Variants in VIT observed in about 807,000 individuals in gnomAD.
VIT encodes the protein vitrin.
A neutral mutation model predicts 78.0 loss-of-function variants in VIT; 99 were observed. That is an observed-to-expected ratio of 1.27 (90% CI 1.08 to 1.50). The LOEUF is 1.50. Ranked by LOEUF, VIT falls within the 40% of genes most tolerant of loss-of-function variation. VIT has a pLI of 0.00. For synonymous variants in VIT, 374 were observed against 334.3 expected (o/e 1.12, Z -1.29); for missense variants, 1,126 against 875.3 (o/e 1.29, Z -3.61).
At chr2:36,782,708 C>T (rs1664843392) in intron 10 of VIT, among the ~76,000 whole-genome samples, 1 of 152,214 alleles carries the variant, frequency 6.6e-6, no homozygotes, top group South Asian at 2.1e-4. Context: ...ACACCCCCTT[C>T]CCCAAGGCTG....
At chr2:36,722,865 G>A (rs1477468709) in intron 2 of VIT, among the ~76,000 whole-genome samples, 1 of 151,914 alleles carries the variant, frequency 6.6e-6, no homozygotes, top group Admixed American at 6.6e-5. Flanking sequence ...ATTTTAGAAA[G>A]CAATTTTCAT....
rs370001989 is a variant in VIT at position 36,744,949 on chromosome 2, G to A, written c.275+1693G>A. Among the ~76,000 whole-genome samples the A allele has an allele frequency of 2.0e-5, 3 of 152,118 alleles. No homozygotes were observed. In the East Asian group the frequency reaches 5.8e-4, roughly 29 times the overall value. ...TCTTCTAGGATTTTTATAGTTTGAAGTCTTACATGTAAGTCTTTAATCCAT... is the reference window on the plus strand; with the variant it reads ...TCTTCTAGGATTTTTATAGTTTGAAATCTTACATGTAAGTCTTTAATCCAT... On this transcript the variant is annotated intron_variant, in intron 4 of 15. Coordinates refer to ENST00000379242, the MANE Select transcript of VIT (RefSeq NM_053276.4).
intron 15 of VIT, among the ~76,000 whole-genome samples, chr2:36,811,723 A>G (rs1572590926): frequency 6.9e-6 from 1 of 144,248 alleles, no homozygotes; most frequent in South Asian, 2.2e-4. Context: ...CCCAGGCTGG[A>G]GTGCAATGGC....
At chr2:36,773,541 C>T (rs1669877493) in intron 7 of VIT, among the ~76,000 whole-genome samples, 1 of 151,894 alleles carries the variant, frequency 6.6e-6, no homozygotes, top group African/African-American at 2.4e-5. Context: ...ACCAGCCTGG[C>T]CAACATGGTG....
At chr2:36,751,827 G>C (rs1414130350) in intron 4 of VIT, among the ~76,000 whole-genome samples, 1 of 152,210 alleles carries the variant, frequency 6.6e-6, no homozygotes, top group Non-Finnish European at 1.5e-5. Flanking sequence ...CTATTTGGAA[G>C]GAGGTACCAC....
chr2:36,764,365 G>A (rs1669295964), intron 6 of VIT, among the ~76,000 whole-genome samples: 1 of 152,194 alleles, frequency 6.6e-6, no homozygotes, highest in Admixed American at 6.5e-5. Flanking sequence ...TCTCCGTAAG[G>A]AGGCAATAAT....
chr2:36,743,154 T>C lies in VIT; in HGVS notation c.173T>C (p.Phe58Ser). ...GCCGGAAAGATCATCGATCCTGAGT[T>C]CATTGTGAAATGTCCAGCAGGATGC... ...VKAGKIIDPE[F>S]IVKCPAGCQD... is the part of the protein sequence containing the mutation. The change falls in exon 4 of 16, where the codon TTC becomes TCC. Residue 58 changes from phenylalanine to serine, a missense_variant. Transcript: ENST00000379242. 1 of 1,614,094 alleles carries C rather than the reference T, an allele frequency of 6.2e-7. No homozygotes were observed.
chr2:36,722,438 TTTATGA>T (rs1666573559), intron 2 of VIT, among the ~76,000 whole-genome samples: 3 of 152,224 alleles, frequency 2.0e-5, no homozygotes, highest in Admixed American at 6.5e-5. Flanking sequence ...GAAGCATAAT[TTTATGA>T]TTTATGTGAT....
At chr2:36,717,584 C>G (rs1306984102) in intron 2 of VIT, among the ~76,000 whole-genome samples, 1 of 152,096 alleles carries the variant, frequency 6.6e-6, no homozygotes, top group Non-Finnish European at 1.5e-5. Flanking sequence ...AGTACGCAAT[C>G]ATGGATAGGC....
chr2:36,778,923 G>T (rs1286026515), intron 9 of VIT, among the ~76,000 whole-genome samples: 2 of 152,212 alleles, frequency 1.3e-5, no homozygotes, highest in Non-Finnish European at 2.9e-5. Flanking sequence ...CGAGGGAGCT[G>T]AAGGGACACT....
chr2:36,732,713 A>T (rs1250846959), intron 3 of VIT, among the ~76,000 whole-genome samples: 1 of 152,176 alleles, frequency 6.6e-6, no homozygotes, highest in Non-Finnish European at 1.5e-5. Flanking sequence ...CAGAGCTCAC[A>T]ATCAAAGGTG....
At chr2:36,809,260 T>A (rs555022003) in intron 15 of VIT, among the ~76,000 whole-genome samples, 1 of 152,212 alleles carries the variant, frequency 6.6e-6, no homozygotes, top group South Asian at 2.1e-4. Flanking sequence ...TTTCTTTACA[T>A]CCTGCACCCT....
In VIT at chr2:36,758,996, A is replaced by C; in HGVS notation, c.437A>C (p.Tyr146Ser). 1 of 1,614,024 alleles carries C rather than the reference A, an allele frequency of 6.2e-7. No individual in the cohort carries two copies. Among genetic ancestry groups the C allele is most frequent in the East Asian group, 2.2e-5 (1 of 44,878 alleles). Residue 146 changes from tyrosine (Y) to serine (S), a missense_variant, in exon 6 of 16, where the codon TAC becomes TCC. Coordinates refer to ENST00000379242, the MANE Select transcript of VIT (RefSeq NM_053276.4). ...LESKPKKGVT[Y>S]PSALTYSSSK... ...AGTAAACCCAAAAAGGGTGTAACCT[A>C]CCCATCAGCTCTTACATACTCATCA...
intron 1 of VIT, among the ~76,000 whole-genome samples, chr2:36,698,583 G>A (rs1455246225): frequency 6.6e-6 from 1 of 152,072 alleles, no homozygotes; most frequent in African/African-American, 2.4e-5. Flanking sequence ...TCCCTCCCAG[G>A]GCGGCCACAA....
chr2:36,797,851 G>C (rs1032167942), intron 12 of VIT, among the ~76,000 whole-genome samples: 1 of 152,190 alleles, frequency 6.6e-6, no homozygotes, highest in African/African-American at 2.4e-5. Context: ...TGTTAATTGA[G>C]TGCCTGTAGG....
At chr2:36,753,516 A>G (rs571050697) in intron 4 of VIT, among the ~76,000 whole-genome samples, 1 of 152,252 alleles carries the variant, frequency 6.6e-6, no homozygotes, top group East Asian at 1.9e-4. Flanking sequence ...AGGAAGTAGT[A>G]CAAGACGGAA....
intron 12 of VIT, among the ~76,000 whole-genome samples, chr2:36,791,256 C>T (rs181205114): frequency 4.1e-4 from 63 of 152,274 alleles, no homozygotes; most frequent in African/African-American, 1.4e-3. Flanking sequence ...CTTCTCAGCC[C>T]ACCCAACCTC....
chr2:36,734,501 A>C (rs1414434729), intron 3 of VIT, among the ~76,000 whole-genome samples: 1 of 152,130 alleles, frequency 6.6e-6, no homozygotes, highest in Non-Finnish European at 1.5e-5. Context: ...CTAAAGAATG[A>C]GGTGTCTGTT....
chr2:36,741,506 G>A (rs1667833854), intron 3 of VIT, among the ~76,000 whole-genome samples: 2 of 152,106 alleles, frequency 1.3e-5, no homozygotes. Flanking sequence ...TAAGAAAAGA[G>A]CATAAAACTT....
Sources: gnomAD v4.1 joint callset for allele counts (sites outside exome capture counted in the v4.1 genomes callset) on GRCh38, gnomAD v4.1.1 for gene constraint, MANE v1.5 for transcripts, NCBI Gene and HGNC (gene_info 2026-07-23, HGNC 2026-07-21) for gene names.